PROM1: variants seen among roughly 807,000 people sequenced by gnomAD.
PROM1 encodes prominin-1.
PROM1 carries 105 observed loss-of-function variants against 116.9 expected under a neutral mutation model. The ratio of observed to expected loss-of-function variants is 0.90; its 90% CI spans 0.77 to 1.06. The LOEUF (loss-of-function observed/expected upper bound fraction) is 1.06, where lower values mean the gene tolerates loss of function less well. Ranked by LOEUF, PROM1 falls within the 50% of genes least tolerant of loss-of-function variation. The pLI is 0.00. For synonymous variants in PROM1, 393 were observed against 387.0 expected (o/e 1.02, Z -0.18); for missense variants, 1,122 against 1,045.2 (o/e 1.07, Z -1.01).
chr4:15,984,567 G>A (rs1026353515), intron 22 of PROM1, among the ~76,000 whole-genome samples: 6 of 152,176 alleles, frequency 3.9e-5, no homozygotes, highest in East Asian at 1.9e-4. Context: ...AGTGAGGGGC[G>A]GGTGAGCAAG....
At chr4:15,988,037 C>T (rs12498478) in intron 19 of PROM1, among the ~76,000 whole-genome samples, 30,903 of 152,014 alleles carry the variant, frequency 0.2, 3,821 homozygotes, top group Middle Eastern at 0.33. Flanking sequence ...CCACCACGCC[C>T]GGCTAATTTT....
intron 24 of PROM1, 106 bp downstream of exon 24, chr4:15,980,316 A>AG (rs1717461030): frequency 2.3e-6 from 2 of 880,252 alleles, no homozygotes; most frequent in African/African-American, 3.4e-5. Flanking sequence ...AAAAAAAAAA[A>AG]AAAAGAAATC....
chr4:16,005,319 TTC>T (rs959569883), intron 13 of PROM1, among the ~76,000 whole-genome samples: 3 of 152,136 alleles, frequency 2.0e-5, no homozygotes, highest in Non-Finnish European at 2.9e-5. Flanking sequence ...TTGTGTGGAG[TTC>T]TTTGTCCAGC....
chr4:16,041,763 TAAATAAATAAATAAATAAATAA>T (rs1560553522), intron 2 of PROM1, among the ~76,000 whole-genome samples: 7 of 59,804 alleles, frequency 1.2e-4, no homozygotes, highest in Admixed American at 4.3e-4. Context: ...AATAAATAAA[TAAATAAATAAATAAATAAATAA>T]ATATATATAT....
Position 16,006,567 on chromosome 4 carries a change from GAC to G in PROM1, c.1423_1424del (p.Val475LeufsTer42), listed in dbSNP as rs1386427036. 3 of 1,600,760 alleles carry G rather than the reference GAC, an allele frequency of 1.9e-6. No individual in the cohort carries two copies. Among genetic ancestry groups the G allele is most frequent in the Admixed American group, 3.4e-5 (2 of 58,026 alleles). Reference sequence around the variant, plus strand: ...TGAGGAAGACGCCTCCGGTGTTGGAGACACAGCCTCGGGTGGTCGGGGTGGCA... The same window carrying G: ...TGAGGAAGACGCCTCCGGTGTTGGAGACAGCCTCGGGTGGTCGGGGTGGCA... ...RHATPTTRGC[V>X]SNTGGVFLMV... On this transcript the variant is annotated frameshift_variant, in exon 13 of 28. Coordinates refer to ENST00000447510, the MANE Select transcript of PROM1 (RefSeq NM_006017.3). LOFTEE classifies it high-confidence loss of function.
At chr4:16,065,847 A>C (rs1428837669) in intron 2 of PROM1, among the ~76,000 whole-genome samples, 2 of 152,238 alleles carry the variant, frequency 1.3e-5, no homozygotes, top group African/African-American at 4.8e-5. Flanking sequence ...AGACCTGTGA[A>C]CATGACTTTA....
At chr4:16,077,546 TTGTCTC>T (rs757556022) in intron 1 of PROM1, among the ~76,000 whole-genome samples, 4 of 152,208 alleles carry the variant, frequency 2.6e-5, no homozygotes, top group Admixed American at 6.5e-5. Context: ...TCTCTATACT[TTGTCTC>T]TGTGTCTTTT....
chr4:16,037,389 T>C (rs1480855771), intron 3 of PROM1, among the ~76,000 whole-genome samples: 1 of 152,194 alleles, frequency 6.6e-6, no homozygotes, highest in Non-Finnish European at 1.5e-5. Context: ...TCAGTTCATC[T>C]TCCACACAGT....
chr4:16,003,383 G>A (rs1222848839), intron 13 of PROM1: 1 of 456,730 alleles, frequency 2.2e-6, no homozygotes, highest in Non-Finnish European at 4.4e-6. Context: ...ATTCGGCAAA[G>A]AGCATCATGG....
intron 2 of PROM1, among the ~76,000 whole-genome samples, chr4:16,065,102 C>T (rs1279527946): frequency 6.6e-6 from 1 of 152,158 alleles, no homozygotes; most frequent in African/African-American, 2.4e-5. Flanking sequence ...TCCCCATGGC[C>T]TCCTTCATGT....
intron 15 of PROM1, among the ~76,000 whole-genome samples, chr4:15,995,623 C>T (rs1403257549): frequency 1.3e-5 from 2 of 152,094 alleles, no homozygotes; most frequent in African/African-American, 4.8e-5. Flanking sequence ...TTTAAAAGCT[C>T]CCAAAGAGTA....
intron 13 of PROM1, among the ~76,000 whole-genome samples, chr4:16,001,621 T>C (rs1000300384): frequency 6.6e-6 from 1 of 152,142 alleles, no homozygotes; most frequent in Non-Finnish European, 1.5e-5. Context: ...TGGTCGGCTG[T>C]CACCAACCAA....
chr4:16,004,964 T>A (rs1296469099), intron 13 of PROM1, among the ~76,000 whole-genome samples: 1 of 878 alleles, frequency 1.1e-3, no homozygotes, highest in Non-Finnish European at 9.4e-3. Flanking sequence ...TCGCTCTCTC[T>A]TTTTTTTTTT....
intron 3 of PROM1, among the ~76,000 whole-genome samples, chr4:16,037,522 T>C (rs1355582420): frequency 6.6e-6 from 1 of 152,202 alleles, no homozygotes; most frequent in Non-Finnish European, 1.5e-5. Flanking sequence ...CTACCGTATC[T>C]GAGGTAACGA....
At chr4:16,077,117 G>A (rs1744130543) in intron 1 of PROM1, among the ~76,000 whole-genome samples, 1 of 152,170 alleles carries the variant, frequency 6.6e-6, no homozygotes, top group Non-Finnish European at 1.5e-5. Context: ...TAGTATAAGA[G>A]GAAGGCATGC....
chr4:16,026,298 T>A (rs937231405), intron 5 of PROM1, among the ~76,000 whole-genome samples: 3 of 152,094 alleles, frequency 2.0e-5, no homozygotes, highest in Non-Finnish European at 4.4e-5. Context: ...CCTGTTTTTG[T>A]GGCAAAAAAC....
intron 10 of PROM1, among the ~76,000 whole-genome samples, chr4:16,015,535 C>A (rs1006633193): frequency 6.6e-6 from 1 of 151,340 alleles, no homozygotes; most frequent in African/African-American, 2.4e-5. Flanking sequence ...ACTAAAAATA[C>A]AAAACTCAGC....
rs754046933 is a variant in PROM1, at chr4:16,075,745, A to C, written c.162T>G (p.Ile54Met). 6 of 1,613,858 alleles carry C rather than the reference A, an allele frequency of 3.7e-6. No individual in the cohort carries two copies. In the East Asian group the frequency reaches 1.3e-4, roughly 36 times the overall value. Residue 54 changes from isoleucine to methionine, a missense_variant, in exon 2 of 28, where the codon ATT becomes ATG. Ile to Met is a conservative substitution (Grantham distance 10). Transcript: ENST00000447510. ...QDSHKAGPIG[I>M]LFELVHIFLY... ...GAAAGATATGCACTAGTTCAAAGAG[A>C]ATGCCAATGGGTCCAGCTTTATGGG...
chr4:16,049,058 A>G (rs1193676744), intron 2 of PROM1, among the ~76,000 whole-genome samples: 1 of 152,224 alleles, frequency 6.6e-6, no homozygotes, highest in Non-Finnish European at 1.5e-5. Context: ...GCGATGGGCC[A>G]TGGGCCGGGT....
Sources: gnomAD v4.1 joint callset for allele counts (sites outside exome capture counted in the v4.1 genomes callset) on GRCh38, gnomAD v4.1.1 for gene constraint, MANE v1.5 for transcripts, NCBI Gene and HGNC (gene_info 2026-07-23, HGNC 2026-07-21) for gene names.